Variants in CFAP210 observed in about 807,000 individuals in gnomAD.
CFAP210 encodes cilia- and flagella- associated protein 210.
the CFAP210 span, among the ~76,000 whole-genome samples, chr2:169,682,820 A>C: frequency 6.6e-6 from 1 of 152,214 alleles, no homozygotes; most frequent in South Asian, 2.1e-4. Context: ...TATTAACTAT[A>C]TGAATCTAGA....
At chr2:169,656,461 AAGGAGG>A in the CFAP210 span, among the ~76,000 whole-genome samples, 13 of 148,452 alleles carry the variant, frequency 8.8e-5, no homozygotes, top group Middle Eastern at 6.9e-3. Context: ...TGAAGTAGAG[AAGGAGG>A]AGGAGGAGAA....
At chr2:169,672,200 A>T in the CFAP210 span, among the ~76,000 whole-genome samples, 15 of 152,252 alleles carry the variant, frequency 9.9e-5, no homozygotes, top group African/African-American at 3.6e-4. Context: ...ATATATAATA[A>T]TAGATTTATA....
the CFAP210 span, chr2:169,649,153 CAT>C: frequency 5.2e-6 from 8 of 1,543,480 alleles, no homozygotes; most frequent in Non-Finnish European, 7.0e-6. Context: ...TTATTACTAA[CAT>C]AATTATAAAC....
the CFAP210 span, among the ~76,000 whole-genome samples, chr2:169,664,709 C>CT: frequency 6.6e-6 from 1 of 152,206 alleles, no homozygotes; most frequent in Non-Finnish European, 1.5e-5. Flanking sequence ...GCACAAAACT[C>CT]TTTCCTGCTG....
the CFAP210 span, chr2:169,649,319 GTCTT>G: frequency 5.6e-6 from 9 of 1,610,952 alleles, no homozygotes; most frequent in Non-Finnish European, 7.6e-6. Flanking sequence ...ATTTTTCTTT[GTCTT>G]TCTTCTTCCT....
chr2:169,649,922 C>CAA, the CFAP210 span, among the ~76,000 whole-genome samples: 16,157 of 143,992 alleles, frequency 0.11, 1,050 homozygotes, highest in South Asian at 0.26. Context: ...AACTCTGTCT[C>CAA]AAAAAAAAAA....
chr2:169,660,232 A>T, the CFAP210 span, among the ~76,000 whole-genome samples: 2 of 151,992 alleles, frequency 1.3e-5, no homozygotes, highest in Non-Finnish European at 2.9e-5. Context: ...ACTAAAAAAA[A>T]TACAAAAATT....
At chr2:169,672,574 T>C in the CFAP210 span, among the ~76,000 whole-genome samples, 2 of 152,130 alleles carry the variant, frequency 1.3e-5, no homozygotes, top group African/African-American at 4.8e-5. Context: ...TCCCAGAGTC[T>C]AATGACGGAA....
the CFAP210 span, among the ~76,000 whole-genome samples, chr2:169,686,014 T>C: frequency 6.6e-6 from 1 of 152,170 alleles, no homozygotes; most frequent in African/African-American, 2.4e-5. Context: ...GTAGTTTTTT[T>C]TATTGTTTTT....
chr2:169,675,203 C>T, the CFAP210 span, among the ~76,000 whole-genome samples: 818 of 151,752 alleles, frequency 5.4e-3, 8 homozygotes, highest in African/African-American at 0.018. Flanking sequence ...TTTTTTAGAC[C>T]GACCTTTTTA....
chr2:169,681,410 C>A, the CFAP210 span: 3 of 647,342 alleles, frequency 4.6e-6, no homozygotes, highest in South Asian at 1.7e-5. Context: ...GCCTTGAAAT[C>A]AGAAGGCATA....
chr2:169,653,618 C>T, the CFAP210 span, among the ~76,000 whole-genome samples: 3 of 152,082 alleles, frequency 2.0e-5, no homozygotes, highest in East Asian at 1.9e-4. Context: ...AATCCCATTA[C>T]GACCTAATAC....
At chr2:169,671,285 G>A in the CFAP210 span, among the ~76,000 whole-genome samples, 4 of 152,084 alleles carry the variant, frequency 2.6e-5, no homozygotes, top group Non-Finnish European at 5.9e-5. Context: ...CCCACTTTTA[G>A]CATGGCTTAT....
At chr2:169,656,964 C>CAAAAAAAAA in the CFAP210 span, among the ~76,000 whole-genome samples, 26 of 40,146 alleles carry the variant, frequency 6.5e-4, no homozygotes, top group South Asian at 1.4e-3. Flanking sequence ...GACTCCATCT[C>CAAAAAAAAA]AAAAAAAAAA....
At chr2:169,674,211 A>G in the CFAP210 span, among the ~76,000 whole-genome samples, 4 of 152,190 alleles carry the variant, frequency 2.6e-5, no homozygotes, top group Non-Finnish European at 5.9e-5. Context: ...CTCAGAATGT[A>G]TACACATGGA....
chr2:169,650,411 G>T, the CFAP210 span: 2 of 1,603,068 alleles, frequency 1.2e-6, no homozygotes, highest in East Asian at 2.3e-5. Context: ...TTCCCATTCA[G>T]CCTCAGCTTC....
chr2:169,663,101 A>C, the CFAP210 span, among the ~76,000 whole-genome samples: 3 of 152,130 alleles, frequency 2.0e-5, no homozygotes, highest in Admixed American at 1.3e-4. Flanking sequence ...CACACTAAGC[A>C]GTTGATTAAA....
chr2:169,677,599 C>A, the CFAP210 span, among the ~76,000 whole-genome samples: 9 of 152,296 alleles, frequency 5.9e-5, no homozygotes, highest in African/African-American at 1.9e-4. Flanking sequence ...AAAAACCATA[C>A]ACTTAGCATC....
the CFAP210 span, chr2:169,658,159 T>C: frequency 2.0e-5 from 3 of 152,190 alleles, no homozygotes; most frequent in African/African-American, 7.2e-5. Context: ...CATCACAGTT[T>C]TTAATGTTAA....
Sources: allele counts gnomAD v4.1 joint callset (sites outside exome capture counted in the v4.1 genomes callset), GRCh38; gene constraint gnomAD v4.1.1; transcripts MANE v1.5; gene names NCBI Gene and HGNC (gene_info 2026-07-23, HGNC 2026-07-21).